OBI1: variants seen among roughly 807,000 people sequenced by gnomAD.
OBI1 encodes ring finger protein 219.
A neutral mutation model predicts 62.4 loss-of-function variants in OBI1; 59 were observed. That is an observed-to-expected ratio of 0.95 (90% CI 0.77 to 1.17). The LOEUF (loss-of-function observed/expected upper bound fraction) is 1.17. Among genes scored for constraint, OBI1 ranks in the 50% most tolerant of loss-of-function variants. The pLI, the probability that OBI1 is intolerant of heterozygous loss-of-function variation, is 0.00. For missense variants in OBI1, 875 were observed against 830.9 expected, an observed-to-expected ratio of 1.05 and a Z score of -0.65; for synonymous variants, 302 against 292.8, an observed-to-expected ratio of 1.03 and a Z score of -0.32.
chr13:78,659,129 T>C lies in OBI1; in HGVS notation c.-9A>G, dbSNP rs1876808719. On this transcript the variant is annotated 5_prime_UTR_variant, in exon 1 of 6. Transcript: ENST00000282003. Reference sequence around the variant, plus strand: ...TGCACGGTCTGAGCCATGGCAGCGTTCAGAATCCCGCCAACACGGAAGTCC... The same window carrying C: ...TGCACGGTCTGAGCCATGGCAGCGTCCAGAATCCCGCCAACACGGAAGTCC... 6.2e-7 allele frequency: 1 copy of C among 1,608,718 alleles called. No homozygotes were observed. Among genetic ancestry groups the C allele is most frequent in the Non-Finnish European group, 8.5e-7 (1 of 1,177,828 alleles).
chr13:78,632,865 C>G (rs901235079), intron 5 of OBI1, among the ~76,000 whole-genome samples: 5 of 152,148 alleles, frequency 3.3e-5, no homozygotes, highest in Admixed American at 1.3e-4. Flanking sequence ...TGAACTTCCC[C>G]TGAAGGGAAC....
intron 5 of OBI1, chr13:78,620,596 C>T (rs1482208294): frequency 2.2e-6 from 1 of 447,398 alleles, no homozygotes; most frequent in South Asian, 1.6e-5. Flanking sequence ...GCAATATTAA[C>T]TGATACATAC....
chr13:78,637,883 G>T (rs1340797615), intron 4 of OBI1, among the ~76,000 whole-genome samples: 2 of 152,132 alleles, frequency 1.3e-5, no homozygotes, highest in African/African-American at 2.4e-5. Flanking sequence ...TAAGTTGCAA[G>T]TATTTCTCTG....
chr13:78,658,994 C>T (rs2137477749), intron 1 of OBI1, 55 bp downstream of exon 1: 2 of 1,524,788 alleles, frequency 1.3e-6, no homozygotes, highest in East Asian at 2.3e-5. Flanking sequence ...CCCTCGGCCC[C>T]GGCGAGCGAC....
chr13:78,644,409 T>G (rs1876321326), intron 2 of OBI1, among the ~76,000 whole-genome samples: 1 of 152,242 alleles, frequency 6.6e-6, no homozygotes, highest in South Asian at 2.1e-4. Context: ...GCTCTGGGTT[T>G]TCCTGTATCT....
At chr13:78,632,033 A>G (rs1291624663) in intron 5 of OBI1, among the ~76,000 whole-genome samples, 2 of 152,146 alleles carry the variant, frequency 1.3e-5, no homozygotes, top group African/African-American at 2.4e-5. Flanking sequence ...GGAGCATCTT[A>G]GAAAGAAATA....
At chr13:78,651,926 G>C (rs752459568) in intron 1 of OBI1, among the ~76,000 whole-genome samples, 7 of 152,162 alleles carry the variant, frequency 4.6e-5, no homozygotes, top group Non-Finnish European at 8.8e-5. Context: ...AGTGCTTCAA[G>C]CAGCAAAAGG....
In OBI1 at chr13:78,616,084, A is replaced by C. The variant is rs147894314; in HGVS notation, c.1677T>G (p.Phe559Leu). The C allele has an allele frequency of 1.5e-3, 2,454 of 1,614,082 alleles. 2 individuals carry two copies. The highest frequency in any genetic ancestry group is 1.9e-3 in the Non-Finnish European group (2,197 of 1,180,048). ...ATAACCCATCCAAATCCAGTGACTTAAAACCGTTATTACAAGGGCTCTTGC... is the reference window on the plus strand; with the variant it reads ...ATAACCCATCCAAATCCAGTGACTTCAAACCGTTATTACAAGGGCTCTTGC... Reference protein sequence around the residue: ...DNSKSPCNNGFKSLDLDGLSK... With the variant: ...DNSKSPCNNGLKSLDLDGLSK... The change falls in exon 6 of 6, where the codon TTT becomes TTG. Residue 559 changes from phenylalanine (F) to leucine (L), a missense_variant. By Grantham distance (22) the Phe-to-Leu change is conservative. Transcript: ENST00000282003.
In OBI1 at chr13:78,616,853, C is replaced by T. The variant is rs1235960953; in HGVS notation, c.908G>A (p.Gly303Asp). 1.2e-6 allele frequency: 2 copies of T among 1,614,176 alleles called. No individual in the cohort carries two copies. The change falls in exon 6 of 6, where the codon GGC becomes GAC. Residue 303 changes from glycine to aspartate, a missense_variant. Transcript: ENST00000282003. ...NQGDSARKQP[G>D]SSTSSSSHLA... ...GTGAGAAGAACTGGAGGTGGATGAG[C>T]CAGGCTGCTTTCTGGCACTATCGCC...
At chr13:78,646,865 A>C (rs1876400716) in intron 1 of OBI1, among the ~76,000 whole-genome samples, 1 of 152,210 alleles carries the variant, frequency 6.6e-6, no homozygotes, top group African/African-American at 2.4e-5. Flanking sequence ...AGACATAAGA[A>C]ACTCCATTTT....
chr13:78,644,755 G>C, intron 2 of OBI1, 107 bp downstream of exon 2: 1 of 1,245,008 alleles, frequency 8.0e-7, no homozygotes, highest in Non-Finnish European at 1.2e-6. Flanking sequence ...TATTATGTTG[G>C]CCAAATAGCA....
chr13:78,638,841 A>T lies in OBI1; in HGVS notation c.531T>A (p.Asp177Glu), dbSNP rs747521340. The change falls in exon 4 of 6, where the codon GAT becomes GAA. Residue 177 changes from aspartate (D) to glutamate (E), a missense_variant. Transcript: ENST00000282003. ...ANEIYEKVKD[D>E]VDKLKEANKK... is the part of the protein sequence containing the mutation. ...AACTTACCTCCTTTAGCTTATCCAC[A>T]TCATCTTTCACTTTTTCATAGATTT... 1 of 1,613,036 alleles carries T rather than the reference A, an allele frequency of 6.2e-7. No homozygotes were observed. The highest frequency in any genetic ancestry group is 8.5e-7 in the Non-Finnish European group (1 of 1,179,728).
At chr13:78,636,891 T>C (rs775390531) in intron 4 of OBI1, among the ~76,000 whole-genome samples, 1 of 152,158 alleles carries the variant, frequency 6.6e-6, no homozygotes, top group African/African-American at 2.4e-5. Context: ...CCACCACTAC[T>C]GTATGGCTAT....
chr13:78,639,283 T>C (rs1233975478), intron 3 of OBI1, among the ~76,000 whole-genome samples: 1 of 152,258 alleles, frequency 6.6e-6, no homozygotes. Flanking sequence ...GGATTTATGT[T>C]GCCTTCATTT....
rs1246248590 is a variant in OBI1 at position 78,616,258 on chromosome 13, C to T, written c.1503G>A (p.Glu501=). The change falls in exon 6 of 6, where the codon GAG becomes GAA. Residue 501 remains glutamate, a synonymous_variant. Transcript: ENST00000282003. ...TTTTGGATAAACATAAGCCTGATTT[C>T]TCACTCAATTTTGAAGATATTTCTC... ...SVGEISSKLS[E]KSGLCLSKRL... 1.9e-6 allele frequency: 3 copies of T among 1,613,596 alleles called. No homozygotes were observed. Among genetic ancestry groups the T allele is most frequent in the Non-Finnish European group, 1.7e-6 (2 of 1,179,742 alleles).
chr13:78,634,197 A>G (rs1875951824), intron 5 of OBI1, among the ~76,000 whole-genome samples: 1 of 152,176 alleles, frequency 6.6e-6, no homozygotes, highest in South Asian at 2.1e-4. Flanking sequence ...AAAAAATTCA[A>G]TGAACAATGT....
intron 1 of OBI1, among the ~76,000 whole-genome samples, chr13:78,650,759 G>C (rs1444089063): frequency 2.0e-5 from 3 of 149,096 alleles, no homozygotes; most frequent in African/African-American, 7.5e-5. Flanking sequence ...AAAAAAAAAA[G>C]GTAATATTAC....
At chr13:78,643,793 A>C (rs1876295470) in intron 2 of OBI1, among the ~76,000 whole-genome samples, 1 of 152,160 alleles carries the variant, frequency 6.6e-6, no homozygotes, top group Non-Finnish European at 1.5e-5. Flanking sequence ...TGTCTCAAAA[A>C]AAAAAAATCT....
At chr13:78,659,152 TCCCGCCGA>T (rs772128445) in exon 1 of OBI1, 7 of 1,599,674 alleles carry the variant, frequency 4.4e-6, no homozygotes, top group South Asian at 7.8e-5. Context: ...AACACGGAAG[TCCCGCCGA>T]CCTACCGCTA....
Sources: gnomAD v4.1 joint callset for allele counts (sites outside exome capture counted in the v4.1 genomes callset) on GRCh38, gnomAD v4.1.1 for gene constraint, MANE v1.5 for transcripts, NCBI Gene and HGNC (gene_info 2026-07-23, HGNC 2026-07-21) for gene names.